CHCHD6: variants seen among roughly 807,000 people sequenced by gnomAD.
The protein encoded by CHCHD6 is MICOS complex subunit MIC25.
A neutral mutation model predicts 32.3 loss-of-function variants in CHCHD6; 28 were observed. The ratio of observed to expected loss-of-function variants is 0.87; its 90% CI spans 0.64 to 1.19. The LOEUF is 1.19. Among genes scored for constraint, CHCHD6 ranks in the 50% most tolerant of loss-of-function variants. The probability of loss-of-function intolerance (pLI) is 0.00; values close to 1 mark genes in which losing one functional copy is unlikely to be tolerated. For synonymous variants in CHCHD6, 122 were observed against 117.5 expected (o/e 1.04, Z -0.25); for missense variants, 333 against 307.0 (o/e 1.08, Z -0.63).
intron 5 of CHCHD6, among the ~76,000 whole-genome samples, chr3:126,853,105 T>C (rs1941533725): frequency 6.6e-6 from 1 of 152,212 alleles, no homozygotes; most frequent in African/African-American, 2.4e-5. Context: ...AATAACGTGA[T>C]GTCTTGCTAT....
chr3:126,743,999 A>G (rs1437810477), intron 4 of CHCHD6, among the ~76,000 whole-genome samples: 1 of 152,164 alleles, frequency 6.6e-6, no homozygotes, highest in Non-Finnish European at 1.5e-5. Flanking sequence ...TTCTGCTGCC[A>G]TGCTTGCTGT....
intron 4 of CHCHD6, among the ~76,000 whole-genome samples, chr3:126,809,762 T>C (rs1939575649): frequency 6.6e-6 from 1 of 152,230 alleles, no homozygotes; most frequent in African/African-American, 2.4e-5. Context: ...TTTGGGGCAT[T>C]ACCCCCATAA....
chr3:126,914,857 A>C, intron 6 of CHCHD6, 107 bp downstream of exon 6: 1 of 710,288 alleles, frequency 1.4e-6, no homozygotes, highest in Non-Finnish European at 2.6e-6. Context: ...TTTCCCTAAT[A>C]ATACACACAA....
At chr3:126,872,757 T>G (rs1328726597) in intron 5 of CHCHD6, among the ~76,000 whole-genome samples, 1 of 152,176 alleles carries the variant, frequency 6.6e-6, no homozygotes, top group East Asian at 1.9e-4. Context: ...CCCTATCTTT[T>G]AGAACCAAGG....
intron 5 of CHCHD6, among the ~76,000 whole-genome samples, chr3:126,856,464 C>T (rs772566393): frequency 4.6e-5 from 7 of 152,216 alleles, no homozygotes; most frequent in East Asian, 1.9e-4. Context: ...GTGAGACCCT[C>T]GACTGCTTGT....
intron 4 of CHCHD6, among the ~76,000 whole-genome samples, chr3:126,794,464 T>C (rs993974304): frequency 2.0e-5 from 3 of 149,976 alleles, no homozygotes; most frequent in Non-Finnish European, 4.4e-5. Context: ...TACATTTATT[T>C]GTATAAGTTT....
chr3:126,791,099 G>T (rs929206352), intron 4 of CHCHD6, among the ~76,000 whole-genome samples: 23 of 152,342 alleles, frequency 1.5e-4, no homozygotes, highest in African/African-American at 4.6e-4. Flanking sequence ...TCCAGACCCT[G>T]TTTGCCTGGG....
intron 4 of CHCHD6, among the ~76,000 whole-genome samples, chr3:126,850,908 C>T (rs560665571): frequency 2.0e-5 from 3 of 152,164 alleles, no homozygotes; most frequent in African/African-American, 4.8e-5. Flanking sequence ...GCATTTAGTC[C>T]CACTGTTTGT....
At chr3:126,906,647 T>A (rs1172736318) in intron 5 of CHCHD6, among the ~76,000 whole-genome samples, 3 of 152,214 alleles carry the variant, frequency 2.0e-5, no homozygotes, top group Non-Finnish European at 2.9e-5. Flanking sequence ...CCCTAGCCAG[T>A]CATTTACAAC....
chr3:126,927,654 C>T lies in CHCHD6; in HGVS notation c.566+12904C>T, dbSNP rs187576316. On this transcript the variant is annotated intron_variant, in intron 6 of 7. Transcript: ENST00000290913. Reference sequence around the variant, plus strand: ...GGACTCACTTCCGGAATAAAGCCAGCGTCCCCACAGGCAATGGCTGGGGTT... The same window carrying T: ...GGACTCACTTCCGGAATAAAGCCAGTGTCCCCACAGGCAATGGCTGGGGTT... 5.3e-5 allele frequency among the ~76,000 whole-genome samples: 8 copies of T among 152,352 alleles called. No homozygotes were observed. The East Asian group carries it at 1.5e-3, about 29-fold the overall frequency.
At chr3:126,760,504 A>G (rs1937120272) in intron 4 of CHCHD6, among the ~76,000 whole-genome samples, 1 of 152,102 alleles carries the variant, frequency 6.6e-6, no homozygotes, top group South Asian at 2.1e-4. Context: ...CCCCTTTCCC[A>G]TATCTTTGGT....
At chr3:126,927,381 GC>G (rs2078340157) in intron 6 of CHCHD6, among the ~76,000 whole-genome samples, 1 of 152,206 alleles carries the variant, frequency 6.6e-6, no homozygotes, top group African/African-American at 2.4e-5. Flanking sequence ...GGGGTGGTGG[GC>G]TCAGCACAGT....
rs1217887799 is a variant in CHCHD6, at chr3:126,786,821, T to C, written c.411+53599T>C. Among the ~76,000 whole-genome samples, 3 of 152,136 alleles carry C rather than the reference T, an allele frequency of 2.0e-5. No homozygotes were observed. The Middle Eastern group carries it at 9.5e-3, about 481-fold the overall frequency. ...TTTCTTTTGCTGTGCAGAAGCTCTT[T>C]AGTTTAATTAGATCCCATTTGTCAA... On this transcript the variant is annotated intron_variant, in intron 4 of 7. Transcript: ENST00000290913.
intron 4 of CHCHD6, among the ~76,000 whole-genome samples, chr3:126,756,164 CA>C (rs1936951623): frequency 6.6e-6 from 1 of 152,076 alleles, no homozygotes; most frequent in South Asian, 2.1e-4. Context: ...GATTCTTCAC[CA>C]ACCCCTCTGC....
intron 4 of CHCHD6, among the ~76,000 whole-genome samples, chr3:126,797,073 G>A (rs1209473927): frequency 1.3e-5 from 2 of 152,156 alleles, no homozygotes; most frequent in African/African-American, 2.4e-5. Flanking sequence ...TCTTACCCCT[G>A]GAGGTGGAAG....
intron 4 of CHCHD6, among the ~76,000 whole-genome samples, chr3:126,848,231 A>G: frequency 6.6e-6 from 1 of 152,072 alleles, no homozygotes; most frequent in East Asian, 1.9e-4. Flanking sequence ...CCGACTTTTT[A>G]TCTTTGTCTT....
intron 5 of CHCHD6, among the ~76,000 whole-genome samples, chr3:126,853,273 C>T (rs1043301790): frequency 7.3e-6 from 1 of 136,466 alleles, no homozygotes; most frequent in Non-Finnish European, 1.6e-5. Context: ...AAAAAAAAAA[C>T]CCCTACCACG....
chr3:126,939,440 C>T (rs1208024471), intron 6 of CHCHD6, among the ~76,000 whole-genome samples: 2 of 152,172 alleles, frequency 1.3e-5, no homozygotes, highest in Admixed American at 6.5e-5. Flanking sequence ...TGATTTCATG[C>T]GCATTTCAGC....
intron 6 of CHCHD6, among the ~76,000 whole-genome samples, chr3:126,955,381 C>A (rs746139): frequency 0.85 from 129,404 of 151,784 alleles, 55,325 homozygotes; most frequent in East Asian, 0.98. Context: ...GCAGATAAAA[C>A]CCCCCCCACC....
Sources: allele counts gnomAD v4.1 joint callset (sites outside exome capture counted in the v4.1 genomes callset), GRCh38; gene constraint gnomAD v4.1.1; transcripts MANE v1.5; gene names NCBI Gene and HGNC (gene_info 2026-07-23, HGNC 2026-07-21).